EDIL3: variants seen among roughly 807,000 people sequenced by gnomAD.
EDIL3 encodes EGF-like repeat and discoidin I-like domain-containing protein 3.
In EDIL3, 37 loss-of-function variants were observed where a neutral mutation model predicts 67.4. The ratio of observed to expected loss-of-function variants is 0.55; its 90% CI spans 0.42 to 0.72. The LOEUF is 0.72. Ranked by LOEUF, EDIL3 falls within the 30% of genes least tolerant of loss-of-function variation. The pLI, the probability that EDIL3 is intolerant of heterozygous loss-of-function variation, is 0.00. For synonymous variants in EDIL3, 195 were observed against 196.3 expected, an observed-to-expected ratio of 0.99 and a Z score of 0.05; for missense variants, 527 against 586.3, an observed-to-expected ratio of 0.90 and a Z score of 1.04.
At chr5:84,269,021 A>T (rs1023698192) in intron 1 of EDIL3, among the ~76,000 whole-genome samples, 1 of 152,192 alleles carries the variant, frequency 6.6e-6, no homozygotes, top group Non-Finnish European at 1.5e-5. Flanking sequence ...TTATTACATG[A>T]ACTTTAAACA....
chr5:84,069,290 T>C (rs953724649), intron 6 of EDIL3, among the ~76,000 whole-genome samples: 1 of 152,134 alleles, frequency 6.6e-6, no homozygotes, highest in African/African-American at 2.4e-5. Context: ...ATAAATAGAA[T>C]GATAATCTGA....
chr5:84,132,310 T>C lies in EDIL3; in HGVS notation c.469+4931A>G, dbSNP rs1273987750. Among the ~76,000 whole-genome samples, 16 of 99,444 alleles carry C rather than the reference T, an allele frequency of 1.6e-4. No homozygotes were observed. In the South Asian group the frequency reaches 3.6e-3, roughly 23 times the overall value. 65.2% of individuals were successfully genotyped at this position (99,444 alleles called of 152,430 possible). ...TAGTATATATTTTATATATAATATA[T>C]ATTATATATATTTTATATAATATAT... On this transcript the variant is annotated intron_variant, in intron 5 of 10. Coordinates refer to ENST00000296591, the MANE Select transcript of EDIL3 (RefSeq NM_005711.5).
intron 3 of EDIL3, among the ~76,000 whole-genome samples, chr5:84,215,570 T>A (rs966427047): frequency 1.5e-4 from 23 of 152,090 alleles, no homozygotes; most frequent in Non-Finnish European, 2.9e-5. Context: ...CAGATATTTT[T>A]AAAAAAATTA....
At chr5:84,010,595 GTTAT>G (rs1159685539) in intron 9 of EDIL3, among the ~76,000 whole-genome samples, 1 of 152,086 alleles carries the variant, frequency 6.6e-6, no homozygotes, top group Non-Finnish European at 1.5e-5. Context: ...TTTTACAGGT[GTTAT>G]TTAATGTGCA....
intron 5 of EDIL3, among the ~76,000 whole-genome samples, chr5:84,118,932 G>A (rs938727258): frequency 6.6e-6 from 1 of 152,176 alleles, no homozygotes; most frequent in East Asian, 1.9e-4. Context: ...CAAAATATGG[G>A]AACTGTGCTG....
Position 84,045,290 on chromosome 5 carries a change from T to G in EDIL3, c.1137+15010A>C, listed in dbSNP as rs543785635. ...TGAGGACACAGCCAAACCATATCAG[T>G]AGATAAACCAATCAACAAGCAACCA... On this transcript the variant is annotated intron_variant, in intron 9 of 10. Transcript: ENST00000296591. Among the ~76,000 whole-genome samples, 7 of 152,220 alleles carry G rather than the reference T, an allele frequency of 4.6e-5. No homozygotes were observed. In the South Asian group the frequency reaches 1.5e-3, roughly 32 times the overall value.
intron 1 of EDIL3, among the ~76,000 whole-genome samples, chr5:84,308,957 T>TAATTA: frequency 6.6e-6 from 1 of 152,154 alleles, no homozygotes; most frequent in African/African-American, 2.4e-5. Context: ...GACAAATAGT[T>TAATTA]GATTAGATTT....
chr5:84,066,328 A>AC, intron 7 of EDIL3, 123 bp downstream of exon 7: 1 of 1,113,008 alleles, frequency 9.0e-7, no homozygotes, highest in Middle Eastern at 2.9e-4. Flanking sequence ...CCAATTAAAA[A>AC]CAAGACGCAT....
intron 3 of EDIL3, chr5:84,196,888 G>A (rs890625671): frequency 2.0e-5 from 3 of 151,878 alleles, no homozygotes; most frequent in African/African-American, 7.3e-5. Flanking sequence ...ATTAAGTGCT[G>A]GCTTTGGATG....
intron 3 of EDIL3, among the ~76,000 whole-genome samples, chr5:84,226,726 G>C (rs989863385): frequency 6.6e-6 from 1 of 151,748 alleles, no homozygotes; most frequent in Middle Eastern, 3.2e-3. Context: ...TATTCCTTAA[G>C]AGCACATTTG....
chr5:84,371,341 A>ATATATATATATATGTGTGTG (rs1008172581), intron 1 of EDIL3, among the ~76,000 whole-genome samples: 3 of 129,694 alleles, frequency 2.3e-5, no homozygotes, highest in African/African-American at 8.2e-5. Flanking sequence ...ATATATATAT[A>ATATATATATATATGTGTGTG]TGTGTGTGTG....
chr5:84,329,085 A>G (rs986624891), intron 1 of EDIL3, among the ~76,000 whole-genome samples: 7 of 152,148 alleles, frequency 4.6e-5, no homozygotes, highest in Non-Finnish European at 8.8e-5. Flanking sequence ...CTTATAATAA[A>G]TGCAAAAGTG....
intron 4 of EDIL3, among the ~76,000 whole-genome samples, chr5:84,168,100 A>G (rs1347082754): frequency 2.0e-5 from 3 of 152,192 alleles, no homozygotes; most frequent in Non-Finnish European, 2.9e-5. Context: ...TAATTGCAAA[A>G]TAAATTAAAA....
chr5:84,110,083 T>C (rs1747532501), intron 5 of EDIL3, among the ~76,000 whole-genome samples: 1 of 152,218 alleles, frequency 6.6e-6, no homozygotes, highest in Non-Finnish European at 1.5e-5. Context: ...TATTTCTCAC[T>C]GTTATATCCT....
chr5:84,216,911 G>A (rs1390113698), intron 3 of EDIL3, among the ~76,000 whole-genome samples: 1 of 152,106 alleles, frequency 6.6e-6, no homozygotes, highest in East Asian at 1.9e-4. Context: ...ATTTCACAGA[G>A]GAGGAAAAGT....
chr5:84,343,061 T>C (rs1046489589), intron 1 of EDIL3, among the ~76,000 whole-genome samples: 2 of 152,138 alleles, frequency 1.3e-5, no homozygotes, highest in African/African-American at 4.8e-5. Flanking sequence ...ATACATAATA[T>C]AATTTTCAAT....
chr5:83,957,950 G>A (rs2112124172), intron 10 of EDIL3, among the ~76,000 whole-genome samples: 1 of 151,578 alleles, frequency 6.6e-6, no homozygotes, highest in South Asian at 2.1e-4. Context: ...CATCTAATCT[G>A]CATCCTAAGC....
At position 84,309,408 on chromosome 5, in the gene EDIL3, T is replaced by G. The variant is rs999317946; in HGVS notation, c.68-55196A>C. On this transcript the variant is annotated intron_variant, in intron 1 of 10. Transcript: ENST00000296591. ...GCACAATATGCCAGTTAGTTACATA[T>G]GTATACATGTGACATGCTGGTGCAC... Among the ~76,000 whole-genome samples the G allele has an allele frequency of 2.0e-5, 3 of 151,238 alleles. No homozygotes were observed. In the East Asian group the frequency reaches 5.9e-4, roughly 30 times the overall value.
intron 9 of EDIL3, among the ~76,000 whole-genome samples, chr5:83,989,054 T>C (rs1308609905): frequency 2.0e-5 from 3 of 152,216 alleles, no homozygotes; most frequent in Non-Finnish European, 2.9e-5. Context: ...GGCAAAGTTA[T>C]AAAGTAAATT....
Sources: gnomAD v4.1 joint callset for allele counts (sites outside exome capture counted in the v4.1 genomes callset) on GRCh38, gnomAD v4.1.1 for gene constraint, MANE v1.5 for transcripts, NCBI Gene and HGNC (gene_info 2026-07-23, HGNC 2026-07-21) for gene names.